Variants in RABGAP1 observed in about 807,000 individuals in gnomAD.
The protein encoded by RABGAP1 is RAB GTPase activating protein 1.
In RABGAP1, 23 loss-of-function variants were observed where a neutral mutation model predicts 137.6. That is an observed-to-expected ratio of 0.17 (90% CI 0.12 to 0.24). RABGAP1 has a LOEUF of 0.24. RABGAP1 is among the 10% of genes least tolerant of loss of function. RABGAP1 has a pLI of 1.00. For missense variants in RABGAP1, 906 were observed against 1,275.8 expected (o/e 0.71, Z 4.42); for synonymous variants, 451 against 450.7 (o/e 1.00, Z -0.01).
rs544789522 is a variant in RABGAP1, at chr9:123,070,811, A to T, written c.1983+387A>T. Reference sequence around the variant, plus strand: ...GTTGGTTTTCTTTTAGTACCATTTTATTCATTCATTGGCTTAGCAAACACC... The same window carrying T: ...GTTGGTTTTCTTTTAGTACCATTTTTTTCATTCATTGGCTTAGCAAACACC... On this transcript the variant is annotated intron_variant, in intron 15 of 25. Transcript: ENST00000373647. The surrounding 1 kb of genome is among the most constrained non-coding windows in gnomAD (Gnocchi z 4.4). 2.0e-5 allele frequency among the ~76,000 whole-genome samples: 3 copies of T among 152,278 alleles called. No homozygotes were observed. The East Asian group carries it at 5.8e-4, about 29-fold the overall frequency.
At position 123,013,984 on chromosome 9, in the gene RABGAP1, G is replaced by A. The variant is rs575559648; in HGVS notation, c.1550-1559G>A. On this transcript the variant is annotated intron_variant, in intron 11 of 25. Transcript: ENST00000373647. ...ACCCAGTTAGTGGAACTGTAAATTG[G>A]TAGAACATTTTGGAAGTCAGTTTGT... is the stretch of plus-strand genomic sequence containing the variant. 8.5e-5 allele frequency among the ~76,000 whole-genome samples: 13 copies of A among 152,274 alleles called. No homozygotes were observed. The East Asian group carries it at 2.5e-3, about 29-fold the overall frequency.
At position 123,030,977 on chromosome 9, in the gene RABGAP1, A is replaced by G. The variant is rs143160713; in HGVS notation, c.1794+10518A>G. On this transcript the variant is annotated intron_variant, in intron 13 of 25. Coordinates refer to ENST00000373647, the MANE Select transcript of RABGAP1 (RefSeq NM_012197.4). ...TTTTTTTTTAAAGTTTCTTAAATGA[A>G]TATTTTGATTTTAGCTCCTAGAGTG... Among the ~76,000 whole-genome samples, 11 of 152,292 alleles carry G rather than the reference A, an allele frequency of 7.2e-5. No individual in the cohort carries two copies. The East Asian group carries it at 1.2e-3, about 16-fold the overall frequency.
At chr9:122,981,955 A>C (rs972734594) in intron 2 of RABGAP1, among the ~76,000 whole-genome samples, 4 of 152,064 alleles carry the variant, frequency 2.6e-5, no homozygotes, top group Non-Finnish European at 5.9e-5. Context: ...AGGTTGAGGC[A>C]GAAGAATTGC....
chr9:123,018,856 G>A (rs1428210376), intron 12 of RABGAP1, among the ~76,000 whole-genome samples: 1 of 152,114 alleles, frequency 6.6e-6, no homozygotes, highest in Non-Finnish European at 1.5e-5. Flanking sequence ...ACGTCTGATA[G>A]CCACAGCATC....
intron 2 of RABGAP1, chr9:122,971,715 T>A (rs911211542): frequency 2.0e-5 from 3 of 152,184 alleles, no homozygotes; most frequent in African/African-American, 7.2e-5. Context: ...AAATTACACA[T>A]GGCTGAAGAG....
rs534550432 is a variant in RABGAP1 at position 123,038,369 on chromosome 9, A to AT, written c.1794+17919dup. Among the ~76,000 whole-genome samples the AT allele has an allele frequency of 3.6e-3, 551 of 151,754 alleles. 1 individual carries two copies. Among genetic ancestry groups the AT allele is most frequent in the Admixed American group, 0.014 (209 of 15,240 alleles). On this transcript the variant is annotated intron_variant, in intron 13 of 25. Transcript: ENST00000373647. ...TATTTTAAGGATTGGGAAAACTTGA[A>AT]TTTTTTTTTACCGTAAATGCATTGC...
At chr9:123,021,331 T>C (rs1272561219) in intron 13 of RABGAP1, among the ~76,000 whole-genome samples, 1 of 111,686 alleles carries the variant, frequency 9.0e-6, no homozygotes. Flanking sequence ...AAGAGCAGGC[T>C]TTTTTTTTTT....
chr9:123,060,231 C>A (rs1433398988), intron 13 of RABGAP1, among the ~76,000 whole-genome samples: 1 of 152,144 alleles, frequency 6.6e-6, no homozygotes, highest in African/African-American at 2.4e-5. Flanking sequence ...TGTGTAAACA[C>A]CAAAGAAAAT....
intron 19 of RABGAP1, among the ~76,000 whole-genome samples, chr9:123,086,160 G>A (rs1439893285): frequency 6.6e-6 from 1 of 152,190 alleles, no homozygotes; most frequent in African/African-American, 2.4e-5. Flanking sequence ...GAGAGTATGA[G>A]GGAAGGGTTT....
At chr9:123,007,935 A>C (rs1317061591) in intron 10 of RABGAP1, among the ~76,000 whole-genome samples, 1 of 149,376 alleles carries the variant, frequency 6.7e-6, no homozygotes, top group Non-Finnish European at 1.5e-5. Context: ...ACCTATGTTT[A>C]AATTTTATAT....
intron 3 of RABGAP1, among the ~76,000 whole-genome samples, chr9:122,985,910 G>A (rs1836346942): frequency 6.6e-6 from 1 of 152,136 alleles, no homozygotes. Flanking sequence ...AAACTGAAAT[G>A]CCCCAAATAG....
intron 6 of RABGAP1, among the ~76,000 whole-genome samples, chr9:122,992,171 G>T (rs1836760239): frequency 6.6e-6 from 1 of 151,842 alleles, no homozygotes; most frequent in Non-Finnish European, 1.5e-5. Flanking sequence ...TGAGTAGCTG[G>T]GATTACAAGC....
intron 11 of RABGAP1, among the ~76,000 whole-genome samples, chr9:123,011,318 C>T (rs1224287652): frequency 6.6e-6 from 1 of 152,082 alleles, no homozygotes; most frequent in African/African-American, 2.4e-5. Flanking sequence ...TCAGTTGGGA[C>T]TTTTAAGTGC....
At chr9:123,060,628 A>T (rs544440345) in intron 13 of RABGAP1, among the ~76,000 whole-genome samples, 1 of 152,352 alleles carries the variant, frequency 6.6e-6, no homozygotes, top group South Asian at 2.1e-4. Context: ...TGAGAGTTCC[A>T]GTAATTTCAT....
chr9:122,982,842 G>A (rs948853185), intron 2 of RABGAP1, among the ~76,000 whole-genome samples: 1 of 152,004 alleles, frequency 6.6e-6, no homozygotes, highest in South Asian at 2.1e-4. Context: ...TCAAGTCCAC[G>A]CTGGGCAACA....
At chr9:122,991,118 A>G (rs1836702341) in intron 6 of RABGAP1, among the ~76,000 whole-genome samples, 1 of 151,832 alleles carries the variant, frequency 6.6e-6, no homozygotes, top group African/African-American at 2.4e-5. Flanking sequence ...GTCAAAACTT[A>G]GCTTTAGTTT....
At chr9:122,948,438 C>T (rs1172056931) in intron 1 of RABGAP1, among the ~76,000 whole-genome samples, 1 of 152,150 alleles carries the variant, frequency 6.6e-6, no homozygotes, top group Non-Finnish European at 1.5e-5. Context: ...ACTCAGCCTG[C>T]CCAAGCCTTA....
intron 5 of RABGAP1, 49 bp downstream of exon 5, chr9:122,989,520 C>T (rs779936509): frequency 2.1e-5 from 32 of 1,545,010 alleles, no homozygotes; most frequent in Non-Finnish European, 2.1e-5. Flanking sequence ...CACCAGTGCC[C>T]TCACTAGGTT....
At chr9:122,948,681 A>G (rs1050550458) in intron 1 of RABGAP1, among the ~76,000 whole-genome samples, 1 of 152,132 alleles carries the variant, frequency 6.6e-6, no homozygotes, top group African/African-American at 2.4e-5. Flanking sequence ...TTGGGAGGGA[A>G]GTGGTTAGTG....
Sources: gnomAD v4.1 joint callset for allele counts (sites outside exome capture counted in the v4.1 genomes callset) on GRCh38, gnomAD v4.1.1 for gene constraint, Gnocchi (gnomAD v3.1) non-coding constraint, MANE v1.5 for transcripts, NCBI Gene and HGNC (gene_info 2026-07-23, HGNC 2026-07-21) for gene names.